The following FAM53B variants were observed in gnomAD, a reference collection of about 807,000 sequenced individuals.
The protein encoded by FAM53B is family with sequence similarity 53 member B, also known as protein FAM53B.
In FAM53B, 12 loss-of-function variants were observed where a neutral mutation model predicts 32.7. That is an observed-to-expected ratio of 0.37 (90% CI 0.24 to 0.59). FAM53B has a LOEUF of 0.59. Ranked by LOEUF, FAM53B falls within the 20% of genes least tolerant of loss-of-function variation. The probability of loss-of-function intolerance (pLI) is 0.72; values close to 1 mark genes in which losing one functional copy is unlikely to be tolerated. For missense variants in FAM53B, 477 were observed against 577.7 expected (o/e 0.83, Z 1.79); for synonymous variants, 234 against 228.7 (o/e 1.02, Z -0.21).
At chr10:124,722,025 G>A (rs1950071188) in intron 1 of FAM53B, among the ~76,000 whole-genome samples, 1 of 152,194 alleles carries the variant, frequency 6.6e-6, no homozygotes, top group Non-Finnish European at 1.5e-5. Flanking sequence ...GGAGACTAGA[G>A]GCTGGGAAGG....
chr10:124,731,917 G>A (rs755271617), intron 1 of FAM53B, among the ~76,000 whole-genome samples: 7 of 152,144 alleles, frequency 4.6e-5, no homozygotes, highest in African/African-American at 1.7e-4. Context: ...ACTGAACGAT[G>A]GCTTGTTTCT....
chr10:124,624,746 A>G (rs1949334539), intron 4 of FAM53B, among the ~76,000 whole-genome samples: 2 of 139,004 alleles, frequency 1.4e-5, no homozygotes, highest in African/African-American at 4.9e-5. Context: ...ACTGTGCACA[A>G]GTGGGTGCAG....
intron 4 of FAM53B, among the ~76,000 whole-genome samples, chr10:124,662,125 C>T (rs1949634961): frequency 1.3e-5 from 2 of 152,344 alleles, no homozygotes; most frequent in South Asian, 4.1e-4. Flanking sequence ...CCTGCCCAGA[C>T]CCCCTCCTGG....
At chr10:124,627,165 GGAAGGAATGTGACT>G (rs1949361225) in intron 4 of FAM53B, among the ~76,000 whole-genome samples, 1 of 152,196 alleles carries the variant, frequency 6.6e-6, no homozygotes, top group Non-Finnish European at 1.5e-5. Flanking sequence ...CCACCTGTCA[GGAAGGAATGTGACT>G]GCCACAATGG....
intron 1 of FAM53B, among the ~76,000 whole-genome samples, chr10:124,734,620 T>C (rs1468514966): frequency 6.6e-6 from 1 of 152,160 alleles, no homozygotes; most frequent in African/African-American, 2.4e-5. Context: ...GAAAGGACGC[T>C]CTAGGGCCAG....
chr10:124,669,885 G>A (rs1217670030), intron 4 of FAM53B, among the ~76,000 whole-genome samples: 1 of 151,578 alleles, frequency 6.6e-6, no homozygotes, highest in African/African-American at 2.4e-5. Flanking sequence ...CAGGGTGGGT[G>A]AGGATTACAG....
At chr10:124,648,712 G>A (rs1172990653) in intron 4 of FAM53B, among the ~76,000 whole-genome samples, 1 of 152,254 alleles carries the variant, frequency 6.6e-6, no homozygotes, top group African/African-American at 2.4e-5. Context: ...GCTCAGAAAG[G>A]TTAAGTAACT....
At chr10:124,672,798 G>T (rs1949714445) in intron 4 of FAM53B, among the ~76,000 whole-genome samples, 1 of 152,220 alleles carries the variant, frequency 6.6e-6, no homozygotes, top group South Asian at 2.1e-4. Flanking sequence ...GAGCAGCTGG[G>T]CTAGCAAATC....
chr10:124,621,760 G>A lies in FAM53B; in HGVS notation c.*1482C>T, dbSNP rs1011311516. The A allele has an allele frequency of 6.6e-6, 1 of 152,250 alleles. No homozygotes were observed. The highest frequency in any genetic ancestry group is 1.5e-5 in the Non-Finnish European group (1 of 68,050). The allele number at this position is 152,250 out of a possible 1,614,324, so 9.4% of individuals were successfully genotyped here. A position where few individuals can be genotyped will look rare whatever the true frequency, so the allele number is the denominator to read the frequency against. On this transcript the variant is annotated 3_prime_UTR_variant, in exon 5 of 5. Transcript: ENST00000337318. ...GAGGCGTTCACTCGTCCATGAAGAC[G>A]AGCAAAAGCAAAGTGACTACAAAAG... is the stretch of plus-strand genomic sequence containing the variant.
intron 2 of FAM53B, chr10:124,704,131 T>C (rs1949934147): frequency 6.6e-6 from 1 of 152,292 alleles, no homozygotes; most frequent in Non-Finnish European, 1.5e-5. Context: ...TCCAGATGGC[T>C]CCTCACCCTT....
chr10:124,691,377 T>G (rs1949831633), intron 3 of FAM53B, among the ~76,000 whole-genome samples: 1 of 152,252 alleles, frequency 6.6e-6, no homozygotes, highest in Non-Finnish European at 1.5e-5. Context: ...ATACATAATG[T>G]ATGATCCTTC....
intron 4 of FAM53B, among the ~76,000 whole-genome samples, chr10:124,645,514 G>A (rs988663513): frequency 6.6e-6 from 1 of 152,200 alleles, no homozygotes; most frequent in Admixed American, 6.5e-5. Flanking sequence ...GCAGACAGGT[G>A]AGGGTAAATT....
intron 4 of FAM53B, among the ~76,000 whole-genome samples, chr10:124,646,697 C>G (rs545133520): frequency 9.2e-5 from 14 of 152,336 alleles, no homozygotes; most frequent in African/African-American, 3.4e-4. Context: ...CTCCAGCCAA[C>G]CCCCTTATGT....
chr10:124,705,319 G>A (rs944236515), intron 2 of FAM53B, among the ~76,000 whole-genome samples: 4 of 152,248 alleles, frequency 2.6e-5, no homozygotes, highest in Non-Finnish European at 4.4e-5. Context: ...AGGCGGAGGC[G>A]GAGCCAGTGA....
chr10:124,722,353 G>GCA (rs1241725958), intron 1 of FAM53B, among the ~76,000 whole-genome samples: 2 of 152,034 alleles, frequency 1.3e-5, no homozygotes, highest in African/African-American at 4.8e-5. Context: ...AAAAAAAGAA[G>GCA]GCTTTGGGAG....
At chr10:124,647,507 C>T (rs1339317944) in intron 4 of FAM53B, among the ~76,000 whole-genome samples, 1 of 152,220 alleles carries the variant, frequency 6.6e-6, no homozygotes, top group Non-Finnish European at 1.5e-5. Context: ...GTCGCCAAGA[C>T]CCCACCACAT....
In FAM53B at chr10:124,733,985, C is replaced by T. The variant is rs1950160833; in HGVS notation, c.-175+10028G>A. On this transcript the variant is annotated intron_variant, in intron 1 of 4. Transcript: ENST00000337318. The surrounding 1 kb of genome is among the most constrained non-coding windows in gnomAD (Gnocchi z 4.3). ...CACCTGCTCTCCTGGTCTCGAATGTCTCCTCCTCCCCGTTCTTCATCTGTC... is the reference window on the plus strand; with the variant it reads ...CACCTGCTCTCCTGGTCTCGAATGTTTCCTCCTCCCCGTTCTTCATCTGTC... 6.6e-6 allele frequency among the ~76,000 whole-genome samples: 1 copy of T among 152,202 alleles called. No individual in the cohort carries two copies. The highest frequency in any genetic ancestry group is 6.5e-5 in the Admixed American group (1 of 15,290).
At chr10:124,722,913 C>G (rs1554911336) in intron 1 of FAM53B, among the ~76,000 whole-genome samples, 1 of 152,220 alleles carries the variant, frequency 6.6e-6, no homozygotes, top group Non-Finnish European at 1.5e-5. Flanking sequence ...CCAAATACCA[C>G]ATGCAGTTTC....
intron 1 of FAM53B, among the ~76,000 whole-genome samples, chr10:124,731,431 G>C (rs1328485969): frequency 6.6e-6 from 1 of 152,130 alleles, no homozygotes; most frequent in East Asian, 1.9e-4. Context: ...CACTGGTTCT[G>C]TGCCCTACTC....
Sources: gnomAD v4.1 joint callset for allele counts (sites outside exome capture counted in the v4.1 genomes callset) on GRCh38, gnomAD v4.1.1 for gene constraint, Gnocchi (gnomAD v3.1) non-coding constraint, MANE v1.5 for transcripts, NCBI Gene and HGNC (gene_info 2026-07-23, HGNC 2026-07-21) for gene names.